GCA: variants seen among roughly 807,000 people sequenced by gnomAD.
GCA encodes grancalcin.
Under a neutral mutation model 32.6 loss-of-function variants are expected in GCA, and 30 were observed. That is an observed-to-expected ratio of 0.92 (90% CI 0.69 to 1.25). GCA has a LOEUF of 1.25. GCA is among the 50% of genes most tolerant of loss of function. The pLI is 0.00. For synonymous variants in GCA, 102 were observed against 84.6 expected (o/e 1.21, Z -1.13); for missense variants, 291 against 266.8 (o/e 1.09, Z -0.63).
chr2:162,347,840 T>C, intron 2 of GCA, 98 bp downstream of exon 2: 2 of 634,020 alleles, frequency 3.2e-6, no homozygotes, highest in Admixed American at 7.3e-5. Context: ...ATATGAAATT[T>C]ATATTTTATA....
intron 1 of GCA, among the ~76,000 whole-genome samples, chr2:162,325,421 G>A (rs1470757156): frequency 1.3e-5 from 2 of 152,124 alleles, no homozygotes; most frequent in Admixed American, 1.3e-4. Context: ...CCTGATATCA[G>A]GAGCTGACTG....
At chr2:162,335,965 A>G (rs994089662) in intron 1 of GCA, among the ~76,000 whole-genome samples, 1 of 152,234 alleles carries the variant, frequency 6.6e-6, no homozygotes, top group African/African-American at 2.4e-5. Flanking sequence ...TAAAATGTTA[A>G]TAAAGAGAAA....
In GCA at chr2:162,352,366, A is replaced by C; in HGVS notation, c.221A>C (p.Gln74Pro). ...GGTGAAGTGGATGCTGAAGAACTTC[A>C]GAGATGTTTGACACAGTCTGGAATT... ...QDGEVDAEELQRCLTQSGING... is the reference protein window; with the variant it reads ...QDGEVDAEELPRCLTQSGING... The change falls in exon 3 of 8, where the codon CAG (glutamine) becomes CCG (proline). Residue 74 changes from glutamine (Q) to proline (P), a missense_variant. Coordinates refer to ENST00000437150, the MANE Select transcript of GCA (RefSeq NM_012198.5). 6.3e-7 allele frequency: 1 copy of C among 1,592,670 alleles called. No individual in the cohort carries two copies. The highest frequency in any genetic ancestry group is 8.6e-7 in the Non-Finnish European group (1 of 1,160,628).
upstream of GCA, chr2:162,318,813 T>G (rs1576244281): frequency 5.7e-6 from 1 of 176,810 alleles, no homozygotes. Flanking sequence ...AGGCCTTTGG[T>G]TAAGGACACC....
At chr2:162,326,739 A>G (rs947442409) in intron 1 of GCA, among the ~76,000 whole-genome samples, 1 of 152,068 alleles carries the variant, frequency 6.6e-6, no homozygotes, top group Non-Finnish European at 1.5e-5. Context: ...GCTGGTCTCA[A>G]ACTCCTGACC....
At chr2:162,356,523 A>G in intron 4 of GCA, 42 bp downstream of exon 4, 4 of 1,229,406 alleles carry the variant, frequency 3.3e-6, no homozygotes, top group East Asian at 4.6e-5. Flanking sequence ...ATAAAGAGTA[A>G]TTGCTTTCTG....
intron 1 of GCA, among the ~76,000 whole-genome samples, chr2:162,331,940 A>G (rs1011692868): frequency 2.0e-5 from 3 of 152,200 alleles, no homozygotes; most frequent in African/African-American, 7.2e-5. Context: ...TGGAACATTC[A>G]TCTGCTAAAT....
At chr2:162,327,188 C>G (rs1683914579) in intron 1 of GCA, among the ~76,000 whole-genome samples, 1 of 152,142 alleles carries the variant, frequency 6.6e-6, no homozygotes, top group South Asian at 2.1e-4. Context: ...CCCAGTTTTT[C>G]TTTCTGGGGC....
At chr2:162,330,527 A>G (rs1684039717) in intron 1 of GCA, among the ~76,000 whole-genome samples, 1 of 152,228 alleles carries the variant, frequency 6.6e-6, no homozygotes, top group Non-Finnish European at 1.5e-5. Context: ...TCCAATAGGT[A>G]GTGCTGATGT....
At chr2:162,329,544 A>G (rs539822672) in intron 1 of GCA, among the ~76,000 whole-genome samples, 1 of 151,926 alleles carries the variant, frequency 6.6e-6, no homozygotes, top group Admixed American at 6.5e-5. Flanking sequence ...GTTGTATTTT[A>G]TGATAAATTA....
At chr2:162,373,414 G>A, downstream of GCA, 1 of 1,223,884 alleles carries the variant, frequency 8.2e-7, no homozygotes. Flanking sequence ...CTGATTAGGT[G>A]ACCCCTGGAA....
chr2:162,364,423 T>C (rs1384879239), downstream of GCA, among the ~76,000 whole-genome samples: 1 of 151,546 alleles, frequency 6.6e-6, no homozygotes, highest in Non-Finnish European at 1.5e-5. Context: ...AGATTTATAT[T>C]ATGGCAAGAG....
At chr2:162,348,472 G>T (rs1684824069) in intron 2 of GCA, among the ~76,000 whole-genome samples, 1 of 151,872 alleles carries the variant, frequency 6.6e-6, no homozygotes, top group Non-Finnish European at 1.5e-5. Context: ...TGATATGGCT[G>T]GTAAATTTTC....
intron 1 of GCA, among the ~76,000 whole-genome samples, chr2:162,323,968 G>A (rs191485628): frequency 2.3e-3 from 348 of 152,162 alleles, no homozygotes; most frequent in Admixed American, 4.7e-3. Context: ...AGCTTGATGG[G>A]GATGGCATTG....
intron 1 of GCA, among the ~76,000 whole-genome samples, chr2:162,345,974 G>A (rs1317891581): frequency 6.6e-6 from 1 of 152,006 alleles, no homozygotes; most frequent in Non-Finnish European, 1.5e-5. Flanking sequence ...TTAAGTGCAT[G>A]ATTTATCTCT....
chr2:162,335,579 A>G (rs1023314971), intron 1 of GCA, among the ~76,000 whole-genome samples: 17 of 152,194 alleles, frequency 1.1e-4, no homozygotes, highest in Non-Finnish European at 2.9e-5. Context: ...CCTTGGAGAA[A>G]CTGTCTATAT....
chr2:162,363,939 A>G, downstream of GCA, among the ~76,000 whole-genome samples: 1 of 151,572 alleles, frequency 6.6e-6, no homozygotes, highest in Admixed American at 6.6e-5. Context: ...GCCATACAGT[A>G]AGAAAATGAG....
chr2:162,330,686 CT>C (rs1684045496), intron 1 of GCA, among the ~76,000 whole-genome samples: 1 of 152,206 alleles, frequency 6.6e-6, no homozygotes, highest in Non-Finnish European at 1.5e-5. Flanking sequence ...AGTTATTTTT[CT>C]TTTCAAACCC....
chr2:162,334,586 G>T (rs761184818), intron 1 of GCA, among the ~76,000 whole-genome samples: 3 of 152,146 alleles, frequency 2.0e-5, no homozygotes, highest in Non-Finnish European at 4.4e-5. Context: ...ACACCTCCCT[G>T]CACCTTTCTT....
Sources: gnomAD v4.1 joint callset for allele counts (sites outside exome capture counted in the v4.1 genomes callset) on GRCh38, gnomAD v4.1.1 for gene constraint, MANE v1.5 for transcripts, NCBI Gene and HGNC (gene_info 2026-07-23, HGNC 2026-07-21) for gene names.